Variants in NDRG2 observed in about 807,000 individuals in gnomAD.
The protein encoded by NDRG2 is NDRG family member 2.
A neutral mutation model predicts 58.2 loss-of-function variants in NDRG2; 34 were observed. That is an observed-to-expected ratio of 0.58 (90% CI 0.44 to 0.78). The LOEUF is 0.78. Ranked by LOEUF, NDRG2 falls within the 30% of genes least tolerant of loss-of-function variation. The probability of loss-of-function intolerance (pLI) is 0.00; values close to 1 mark genes in which losing one functional copy is unlikely to be tolerated. For missense variants in NDRG2, 434 were observed against 471.2 expected (o/e 0.92, Z 0.73); for synonymous variants, 187 against 175.9 (o/e 1.06, Z -0.50).
intron 6 of NDRG2, chr14:21,021,360 C>A (rs891511643): frequency 3.0e-6 from 1 of 333,156 alleles, no homozygotes; most frequent in Non-Finnish European, 5.9e-6. Flanking sequence ...ACCCAGGGGC[C>A]AGCACCTCCC....
chr14:21,019,921 T>C lies in NDRG2; in HGVS notation c.611A>G (p.Gln204Arg), dbSNP rs767662173. The change falls in exon 9 of 16, where the codon CAG becomes CGG. Residue 204 changes from glutamine (Q) to arginine (R), a missense_variant and splice_region_variant. By Grantham distance (43) the Gln-to-Arg change is conservative. Transcript: ENST00000556147. Reference sequence around the variant, plus strand: ...TCTACATCTCCTACACCCACTTACCTGGCTGAAAAGATGTCCAAGGATCAT... The same window carrying C: ...TCTACATCTCCTACACCCACTTACCCGGCTGAAAAGATGTCCAAGGATCAT... ...PEMILGHLFSQEELSGNSELI... is the reference protein window; with the variant it reads ...PEMILGHLFSREELSGNSELI... 30 of 1,613,928 alleles carry C rather than the reference T, an allele frequency of 1.9e-5. No individual in the cohort carries two copies. The highest frequency in any genetic ancestry group is 2.5e-5 in the Non-Finnish European group (29 of 1,179,994).
At chr14:21,031,730 A>C (rs375813729) in intron 1 of NDRG2, among the ~76,000 whole-genome samples, 2 of 152,078 alleles carry the variant, frequency 1.3e-5, no homozygotes, top group Non-Finnish European at 2.9e-5. Flanking sequence ...TTACCAGAGT[A>C]CCTGCCCACA....
intron 1 of NDRG2, chr14:21,043,216 C>T: frequency 1.2e-6 from 2 of 1,614,206 alleles, no homozygotes; most frequent in Non-Finnish European, 1.7e-6. Context: ...CTGCACGAGC[C>T]TTTCTCCAGT....
intron 10 of NDRG2, 170 bp downstream of exon 10, chr14:21,019,469 A>C: frequency 1.6e-6 from 1 of 612,874 alleles, no homozygotes; most frequent in Non-Finnish European, 2.9e-6. Context: ...GCCCCTTGCA[A>C]TCCTTCCCAC....
intron 1 of NDRG2, chr14:21,058,192 C>G (rs77979750): frequency 1.2e-6 from 2 of 1,614,190 alleles, no homozygotes; most frequent in African/African-American, 1.3e-5. Context: ...ACCAGAGCCA[C>G]GGGCCCATGT....
intron 5 of NDRG2, 71 bp from the exon 6 acceptor site, chr14:21,021,950 C>T (rs1880656314): frequency 1.9e-6 from 3 of 1,610,950 alleles, no homozygotes; most frequent in South Asian, 2.2e-5. Context: ...ATGTCCTACT[C>T]ATTCTCTCCC....
intron 1 of NDRG2, chr14:21,058,065 A>G (rs779189852): frequency 6.2e-6 from 10 of 1,614,034 alleles, no homozygotes; most frequent in Admixed American, 3.3e-5. Flanking sequence ...AGCATCATCA[A>G]TAAGTACACA....
At chr14:21,020,021 C>T (rs760705395) in intron 8 of NDRG2, 45 bp from the exon 9 acceptor site, 1 of 1,562,266 alleles carries the variant, frequency 6.4e-7, no homozygotes, top group Non-Finnish European at 8.8e-7. Context: ...ATTGGCCAGG[C>T]ACAGTGGCTC....
intron 1 of NDRG2, among the ~76,000 whole-genome samples, chr14:21,052,643 A>G (rs1417508738): frequency 6.6e-6 from 1 of 152,192 alleles, no homozygotes; most frequent in South Asian, 2.1e-4. Context: ...GAATGGGTAG[A>G]CTGGACGCAA....
rs1346325131 is a variant in NDRG2, at chr14:21,070,087, C to T, written c.24+741G>A. 2.0e-5 allele frequency among the ~76,000 whole-genome samples: 3 copies of T among 151,754 alleles called. No individual in the cohort carries two copies. Among genetic ancestry groups the T allele is most frequent in the African/African-American group, 7.3e-5 (3 of 41,354 alleles). On this transcript the variant is annotated intron_variant, in intron 1 of 14. Coordinates refer to the NDRG2 transcript ENST00000403829. The surrounding 1 kb of genome is among the most constrained non-coding windows in gnomAD (Gnocchi z 4.7). ...CGGGGCGGAGAAGAAAGAAGGTTGCCGGTGAACGGGACGGATAGGCTGGGG... is the reference window on the plus strand; with the variant it reads ...CGGGGCGGAGAAGAAAGAAGGTTGCTGGTGAACGGGACGGATAGGCTGGGG...
At chr14:21,045,728 T>G (rs1383461610) in intron 1 of NDRG2, among the ~76,000 whole-genome samples, 1 of 152,244 alleles carries the variant, frequency 6.6e-6, no homozygotes, top group South Asian at 2.1e-4. Flanking sequence ...CTAAAACTTT[T>G]TCTTGAAACT....
At chr14:21,042,590 G>A in intron 1 of NDRG2, 1 of 214,530 alleles carries the variant, frequency 4.7e-6, no homozygotes, top group Non-Finnish European at 9.3e-6. Context: ...GGAAAGGGGA[G>A]AGTGATGTTG....
intron 1 of NDRG2, among the ~76,000 whole-genome samples, chr14:21,062,226 C>T (rs879699820): frequency 1.3e-4 from 20 of 152,176 alleles, no homozygotes; most frequent in Non-Finnish European, 2.8e-4. Context: ...ACTACAAGAC[C>T]GATTCATGTT....
intron 1 of NDRG2, among the ~76,000 whole-genome samples, chr14:21,054,099 G>GA (rs1885579246): frequency 2.0e-5 from 3 of 152,296 alleles, no homozygotes; most frequent in African/African-American, 7.2e-5. Context: ...AATTGGCTCT[G>GA]AAATGAAACA....
chr14:21,032,966 C>T (rs1467605180), intron 1 of NDRG2: 1 of 455,992 alleles, frequency 2.2e-6, no homozygotes, highest in South Asian at 1.5e-5. Flanking sequence ...AATTTATGTT[C>T]GATTAGAGCC....
intron 1 of NDRG2, among the ~76,000 whole-genome samples, chr14:21,063,490 G>A (rs765927501): frequency 4.6e-5 from 7 of 152,110 alleles, no homozygotes; most frequent in African/African-American, 1.2e-4. Context: ...GGTCTTATGC[G>A]TATGTTCAAC....
intron 1 of NDRG2, among the ~76,000 whole-genome samples, chr14:21,039,059 T>TCA (rs1338856997): frequency 2.6e-5 from 4 of 152,254 alleles, no homozygotes; most frequent in Non-Finnish European, 5.9e-5. Flanking sequence ...AAGGGAACTC[T>TCA]CACGGGCTTT....
chr14:21,040,199 C>A (rs962550443), intron 1 of NDRG2, among the ~76,000 whole-genome samples: 11 of 152,146 alleles, frequency 7.2e-5, no homozygotes, highest in African/African-American at 2.2e-4. Flanking sequence ...AGCTGCTCCC[C>A]CAACCAAGGC....
At chr14:21,054,982 C>T (rs75477676) in intron 1 of NDRG2, among the ~76,000 whole-genome samples, 2,421 of 152,176 alleles carry the variant, frequency 0.016, 65 homozygotes, top group African/African-American at 0.053. Context: ...ATAAGCAATG[C>T]GGTGTATGTT....
Sources: allele counts gnomAD v4.1 joint callset (sites outside exome capture counted in the v4.1 genomes callset), GRCh38; gene constraint gnomAD v4.1.1; non-coding constraint Gnocchi (gnomAD v3.1); transcripts MANE v1.5; gene names NCBI Gene and HGNC (gene_info 2026-07-23, HGNC 2026-07-21).